The following RERE variants were observed in gnomAD, a reference collection of about 807,000 sequenced individuals.
RERE encodes arginine-glutamic acid dipeptide repeats, also known as arginine-glutamic acid dipeptide repeats protein.
Under a neutral mutation model 146.1 loss-of-function variants are expected in RERE, and 40 were observed. The ratio of observed to expected loss-of-function variants is 0.27; its 90% CI spans 0.21 to 0.36. The LOEUF (loss-of-function observed/expected upper bound fraction) is 0.36. RERE is among the 10% of genes least tolerant of loss of function. RERE has a pLI of 1.00. For missense variants in RERE, 1,933 were observed against 2,138.7 expected, an observed-to-expected ratio of 0.90 and a Z score of 1.90; for synonymous variants, 1,003 against 866.0, an observed-to-expected ratio of 1.16 and a Z score of -2.78.
At position 8,356,035 on chromosome 1, in the gene RERE, A is replaced by T; in HGVS notation, c.4486+65T>A. The T allele has an allele frequency of 7.0e-7, 1 of 1,429,310 alleles. No homozygotes were observed. Among genetic ancestry groups the T allele is most frequent in the Non-Finnish European group, 9.2e-7 (1 of 1,082,580 alleles). The allele number at this position is 1,429,310 out of a possible 1,614,324, so 88.5% of individuals were successfully genotyped here. A position where few individuals can be genotyped will look rare whatever the true frequency, so the allele number is the denominator to read the frequency against. ...GAATGAATGAGTAATGAATGAAGAC[A>T]GCAGACCAGACCCCAACCCAACCCT... On this transcript the variant is annotated intron_variant, in intron 21 of 22. Coordinates refer to ENST00000400908, the MANE Select transcript of RERE (RefSeq NM_001042681.2). The surrounding 1 kb of genome is among the most constrained non-coding windows in gnomAD (Gnocchi z 5.2).
rs545951598 is a variant in RERE, at chr1:8,774,905, G to GA, written c.-145+42254dup. On this transcript the variant is annotated intron_variant, in intron 1 of 22. Coordinates refer to ENST00000400908, the MANE Select transcript of RERE (RefSeq NM_001042681.2). ...CCAGCTGAGGAGAATTAAATCATGTGAAAAGCCCCATATCAGCCTTTCATA... is the reference window on the plus strand; with the variant it reads ...CCAGCTGAGGAGAATTAAATCATGTGAAAAAGCCCCATATCAGCCTTTCATA... Among the ~76,000 whole-genome samples, 723 of 146,616 alleles carry GA rather than the reference G, an allele frequency of 4.9e-3. 4 individuals carry two copies. Among genetic ancestry groups the GA allele is most frequent in the African/African-American group, 0.018 (697 of 39,696 alleles).
intron 11 of RERE, chr1:8,425,274 A>C (rs1408067124): frequency 3.3e-5 from 5 of 152,244 alleles, no homozygotes; most frequent in African/African-American, 9.7e-5. Flanking sequence ...AAGATAATAA[A>C]GGTTGCCATG....
At chr1:8,472,790 T>A (rs1040299230) in intron 10 of RERE, among the ~76,000 whole-genome samples, 1 of 151,862 alleles carries the variant, frequency 6.6e-6, no homozygotes, top group South Asian at 2.1e-4. Context: ...GCAACCACTA[T>A]AGCAGGATGT....
chr1:8,790,252 G>A (rs950319930), intron 1 of RERE, among the ~76,000 whole-genome samples: 8 of 152,080 alleles, frequency 5.3e-5, no homozygotes, highest in Non-Finnish European at 7.4e-5. Context: ...TGAAACGCGA[G>A]ATAGTTAAAG....
chr1:8,604,622 GAGGAAGGAAGGAAGGAAGGAAGGAAGGA>G (rs1178725565), intron 4 of RERE, among the ~76,000 whole-genome samples: 1 of 46,466 alleles, frequency 2.2e-5, no homozygotes, highest in African/African-American at 8.0e-5. Flanking sequence ...GGGAGGGAGG[GAGGAAGGAAGGAAGGAAGGAAGGAAGGA>G]AGGAAGGAAG....
intron 4 of RERE, among the ~76,000 whole-genome samples, chr1:8,572,180 T>A (rs182185799): frequency 4.3e-4 from 66 of 152,300 alleles, no homozygotes; most frequent in Non-Finnish European, 7.2e-4. Context: ...TTCTACTAGT[T>A]TTGACAAATG....
chr1:8,753,663 A>G (rs989563140), intron 1 of RERE: 4 of 152,204 alleles, frequency 2.6e-5, no homozygotes, highest in Non-Finnish European at 5.9e-5. Flanking sequence ...TTAATTATTA[A>G]ATTCTGGTGT....
At chr1:8,498,036 A>C (rs886153245) in intron 8 of RERE, among the ~76,000 whole-genome samples, 1 of 152,256 alleles carries the variant, frequency 6.6e-6, no homozygotes, top group African/African-American at 2.4e-5. Flanking sequence ...GGTCAATACC[A>C]AAACTAGATG....
intron 4 of RERE, among the ~76,000 whole-genome samples, chr1:8,570,475 G>A (rs1646207744): frequency 6.6e-6 from 1 of 151,954 alleles, no homozygotes; most frequent in African/African-American, 2.4e-5. Context: ...ACATAATGTA[G>A]GAAATGAGTA....
At chr1:8,735,291 T>A (rs1036232685) in intron 1 of RERE, among the ~76,000 whole-genome samples, 3 of 152,222 alleles carry the variant, frequency 2.0e-5, no homozygotes, top group Admixed American at 2.0e-4. Context: ...TTAGCATAAG[T>A]GCACACAGTT....
At chr1:8,420,783 C>T (rs1340558908) in intron 12 of RERE, among the ~76,000 whole-genome samples, 4 of 152,042 alleles carry the variant, frequency 2.6e-5, no homozygotes, top group Non-Finnish European at 4.4e-5. Context: ...ACTGTGAAGG[C>T]GGAGGAGTGA....
intron 1 of RERE, among the ~76,000 whole-genome samples, chr1:8,769,369 G>A (rs767827693): frequency 6.6e-6 from 1 of 152,156 alleles, no homozygotes; most frequent in Non-Finnish European, 1.5e-5. Context: ...GACTGTCCAA[G>A]TACAAAGTGA....
intron 1 of RERE, among the ~76,000 whole-genome samples, chr1:8,760,163 T>A (rs1640725641): frequency 6.6e-6 from 1 of 152,094 alleles, no homozygotes; most frequent in Non-Finnish European, 1.5e-5. Flanking sequence ...GTAGCTGGGA[T>A]TACAGGTGCC....
chr1:8,408,428 C>A (rs957018350), intron 12 of RERE, among the ~76,000 whole-genome samples: 1 of 152,142 alleles, frequency 6.6e-6, no homozygotes, highest in Admixed American at 6.5e-5. Flanking sequence ...ACCCAGGATG[C>A]CCTGCTGTAC....
rs545317897 is a variant in RERE at position 8,471,311 on chromosome 1, C to T, written c.1105-5288G>A. Among the ~76,000 whole-genome samples the T allele has an allele frequency of 7.9e-5, 12 of 151,932 alleles. No individual in the cohort carries two copies. In the South Asian group the frequency reaches 1.0e-3, roughly 13 times the overall value. ...AGGTGCTGGGATATATCAAATAGCC[C>T]TTCTTTTTTTCTCTCTTTGAGACAG... On this transcript the variant is annotated intron_variant, in intron 10 of 22. Coordinates refer to ENST00000400908, the MANE Select transcript of RERE (RefSeq NM_001042681.2).
At chr1:8,471,034 C>T (rs1228698389) in intron 10 of RERE, among the ~76,000 whole-genome samples, 1 of 151,744 alleles carries the variant, frequency 6.6e-6, no homozygotes, top group East Asian at 1.9e-4. Flanking sequence ...CCAGGATGGT[C>T]TCAATCTCTT....
intron 2 of RERE, among the ~76,000 whole-genome samples, chr1:8,636,560 C>T (rs1647104167): frequency 6.6e-6 from 1 of 151,450 alleles, no homozygotes; most frequent in Non-Finnish European, 1.5e-5. Context: ...ATAATAATAA[C>T]AATAATAATA....
chr1:8,763,707 G>A (rs1413694296), intron 1 of RERE, among the ~76,000 whole-genome samples: 11 of 152,262 alleles, frequency 7.2e-5, no homozygotes, highest in African/African-American at 1.2e-4. Flanking sequence ...TTGGGAGGCC[G>A]AGGCAGGCGG....
chr1:8,572,255 A>T (rs942563762), intron 4 of RERE, among the ~76,000 whole-genome samples: 2 of 152,226 alleles, frequency 1.3e-5, no homozygotes, highest in Non-Finnish European at 2.9e-5. Context: ...CAAAAAGACC[A>T]ACTTCCATTA....
Sources: allele counts gnomAD v4.1 joint callset (sites outside exome capture counted in the v4.1 genomes callset), GRCh38; gene constraint gnomAD v4.1.1; non-coding constraint Gnocchi (gnomAD v3.1); transcripts MANE v1.5; gene names NCBI Gene and HGNC (gene_info 2026-07-23, HGNC 2026-07-21).